Variants in NETO1 observed in about 807,000 individuals in gnomAD.
The protein encoded by NETO1 is neuropilin and tolloid like 1.
NETO1 carries 26 observed loss-of-function variants against 61.3 expected under a neutral mutation model. That is an observed-to-expected ratio of 0.42 (90% CI 0.31 to 0.59). The LOEUF (loss-of-function observed/expected upper bound fraction) is 0.59. Ranked by LOEUF, NETO1 falls within the 20% of genes least tolerant of loss-of-function variation. The pLI, the probability that NETO1 is intolerant of heterozygous loss-of-function variation, is 0.12. For synonymous variants in NETO1, 225 were observed against 225.8 expected (o/e 1.00, Z 0.03); for missense variants, 531 against 662.8 (o/e 0.80, Z 2.18).
rs545852417 is a variant in NETO1, at chr18:72,745,183, G to T, written c.*2996C>A. The T allele has an allele frequency of 6.6e-6, 1 of 152,258 alleles. No individual in the cohort carries two copies. Among genetic ancestry groups the T allele is most frequent in the East Asian group, 1.9e-4 (1 of 5,188 alleles). 9.4% of individuals were successfully genotyped at this position (152,258 alleles called of 1,614,324 possible). On this transcript the variant is annotated 3_prime_UTR_variant, in exon 11 of 11. Coordinates refer to ENST00000327305, the MANE Select transcript of NETO1 (RefSeq NM_138966.5). The stretch of plus-strand genomic sequence containing the variant: ...ATTTTGGTTACAAAATCAAATTCAA[G>T]TTAATTATGGCAAATCAAACACCAC...
At chr18:72,847,689 T>C (rs1328211096) in intron 4 of NETO1, among the ~76,000 whole-genome samples, 1 of 152,214 alleles carries the variant, frequency 6.6e-6, no homozygotes, top group Non-Finnish European at 1.5e-5. Context: ...AATCTAAGTG[T>C]AGGAAAGTCC....
At chr18:72,832,488 C>A (rs2073613990) in intron 4 of NETO1, among the ~76,000 whole-genome samples, 1 of 152,122 alleles carries the variant, frequency 6.6e-6, no homozygotes, top group South Asian at 2.1e-4. Flanking sequence ...AATAATACTT[C>A]AAAAGAATTA....
At chr18:72,773,986 A>G (rs2071462017) in intron 7 of NETO1, among the ~76,000 whole-genome samples, 4 of 152,000 alleles carry the variant, frequency 2.6e-5, no homozygotes. Context: ...AAGACTTGAT[A>G]GTCTTTTGTC....
chr18:72,794,310 T>A, intron 5 of NETO1, 53 bp downstream of exon 5: 1 of 1,613,644 alleles, frequency 6.2e-7, no homozygotes, highest in Non-Finnish European at 8.5e-7. Flanking sequence ...AAAGTGTATT[T>A]CATAGCAGAA....
intron 4 of NETO1, among the ~76,000 whole-genome samples, chr18:72,813,864 A>G (rs2072946198): frequency 6.6e-6 from 1 of 152,090 alleles, no homozygotes; most frequent in South Asian, 2.1e-4. Flanking sequence ...TTAAAGAGAT[A>G]ATTATTTAGA....
chr18:72,825,897 TAGTA>T (rs1202503986), intron 4 of NETO1, among the ~76,000 whole-genome samples: 1 of 152,222 alleles, frequency 6.6e-6, no homozygotes, highest in Non-Finnish European at 1.5e-5. Context: ...TAGATTTTTT[TAGTA>T]AGTGTTGAGA....
chr18:72,772,759 C>CTATATATA (rs35617731), intron 7 of NETO1, among the ~76,000 whole-genome samples: 3,674 of 102,194 alleles, frequency 0.036, 182 homozygotes, highest in Middle Eastern at 0.071. Context: ...CTATATATAT[C>CTATATATA]TATATATATA....
chr18:72,807,658 TGAA>T (rs1217837653), intron 4 of NETO1, among the ~76,000 whole-genome samples: 1 of 147,966 alleles, frequency 6.8e-6, no homozygotes, highest in Non-Finnish European at 1.5e-5. Flanking sequence ...GGGGATAGAG[TGAA>T]GAAGAAATCA....
In NETO1 at chr18:72,776,356, C is replaced by T. The variant is rs79461465; in HGVS notation, c.868+7322G>A. On this transcript the variant is annotated intron_variant, in intron 7 of 10. Transcript: ENST00000327305. The stretch of plus-strand genomic sequence containing the variant: ...ATTTGTCCCCATCACCTAAATACAT[C>T]CCACAAGGTTACCCCTCTCAATACT... 8.9e-4 allele frequency among the ~76,000 whole-genome samples: 135 copies of T among 152,300 alleles called. 3 individuals carry two copies. In the East Asian group the frequency reaches 0.024, roughly 27 times the overall value.
chr18:72,818,798 A>G (rs1321372671), intron 4 of NETO1, among the ~76,000 whole-genome samples: 1 of 152,216 alleles, frequency 6.6e-6, no homozygotes, highest in Non-Finnish European at 1.5e-5. Context: ...CTATTAAATT[A>G]TAGAAACAAG....
intron 1 of NETO1, chr18:72,866,630 T>C: frequency 1.2e-6 from 1 of 822,864 alleles, no homozygotes; most frequent in Non-Finnish European, 1.5e-6. Context: ...TCATCTTTGC[T>C]TAGTAATGAT....
At chr18:72,770,875 C>T (rs549721010) in intron 7 of NETO1, among the ~76,000 whole-genome samples, 4 of 152,108 alleles carry the variant, frequency 2.6e-5, no homozygotes, top group African/African-American at 9.6e-5. Flanking sequence ...TTTTTAACTC[C>T]CTCTTCTCTT....
At chr18:72,782,648 T>C (rs1163716237) in intron 7 of NETO1, among the ~76,000 whole-genome samples, 2 of 151,672 alleles carry the variant, frequency 1.3e-5, no homozygotes, top group Non-Finnish European at 2.9e-5. Flanking sequence ...CTACTAATAA[T>C]ACAAAATTAG....
intron 6 of NETO1, among the ~76,000 whole-genome samples, chr18:72,790,964 G>C (rs1252507737): frequency 1.3e-5 from 2 of 151,916 alleles, no homozygotes; most frequent in Non-Finnish European, 1.5e-5. Context: ...TTCCAGACCA[G>C]ATTATGAATT....
intron 10 of NETO1, 107 bp from the exon 11 acceptor site, chr18:72,748,271 A>T (rs1197605932): frequency 5.1e-6 from 5 of 983,992 alleles, no homozygotes; most frequent in Admixed American, 1.2e-4. Context: ...ACCTAGTTCA[A>T]GAATAGTTGA....
rs1236795769 is a variant in NETO1, at chr18:72,794,237, C to T, written c.519G>A (p.Glu173=). Residue 173 remains glutamate, a synonymous_variant, in exon 6 of 11, where the codon GAG becomes GAA. Coordinates refer to ENST00000327305, the MANE Select transcript of NETO1 (RefSeq NM_138966.5). The stretch of plus-strand genomic sequence containing the variant: ...TTCCTTCGGAACCGCCCATCTCAAA[C>T]TCACACGCTAAATAACAAAATGCCA... ...LGALKPLPAC[E]FEMGGSEGIV... The T allele has an allele frequency of 6.2e-7, 1 of 1,614,164 alleles. No individual in the cohort carries two copies. The highest frequency in any genetic ancestry group is 1.1e-5 in the South Asian group (1 of 91,082).
intron 4 of NETO1, among the ~76,000 whole-genome samples, chr18:72,854,612 T>C (rs1211138888): frequency 6.6e-6 from 1 of 152,208 alleles, no homozygotes. Flanking sequence ...CCTTACATTT[T>C]CAAGTGCAAA....
chr18:72,862,578 A>C (rs1027909399), intron 3 of NETO1, among the ~76,000 whole-genome samples: 27 of 148,464 alleles, frequency 1.8e-4, no homozygotes, highest in Non-Finnish European at 3.9e-4. Context: ...AGGATACCCT[A>C]TTCTCTGATC....
At chr18:72,822,383 C>A (rs1239219098) in intron 4 of NETO1, among the ~76,000 whole-genome samples, 1 of 152,128 alleles carries the variant, frequency 6.6e-6, no homozygotes, top group Non-Finnish European at 1.5e-5. Flanking sequence ...CGGCACCATG[C>A]CACAGGTCAG....
Sources: gnomAD v4.1 joint callset for allele counts (sites outside exome capture counted in the v4.1 genomes callset) on GRCh38, gnomAD v4.1.1 for gene constraint, MANE v1.5 for transcripts, NCBI Gene and HGNC (gene_info 2026-07-23, HGNC 2026-07-21) for gene names.